ENOX1: variants seen among roughly 807,000 people sequenced by gnomAD.
ENOX1 encodes the protein ecto-NOX disulfide-thiol exchanger 1, also known as candidate growth-related and time keeping constitutive hydroquinone (NADH) oxidase.
ENOX1 carries 42 observed loss-of-function variants against 82.5 expected under a neutral mutation model. The observed-to-expected ratio is 0.51, with a 90% CI of 0.40 to 0.66. ENOX1 has a LOEUF of 0.66. Among genes scored for constraint, ENOX1 ranks in the 30% least tolerant of loss-of-function variants. The pLI, the probability that ENOX1 is intolerant of heterozygous loss-of-function variation, is 0.00. For missense variants in ENOX1, 608 were observed against 811.6 expected, an observed-to-expected ratio of 0.75 and a Z score of 3.05; for synonymous variants, 271 against 282.2, an observed-to-expected ratio of 0.96 and a Z score of 0.40.
chr13:43,476,685 G>A (rs892771124), intron 3 of ENOX1, among the ~76,000 whole-genome samples: 28 of 152,240 alleles, frequency 1.8e-4, no homozygotes, highest in Non-Finnish European at 3.2e-4. Flanking sequence ...AACGAGTAAA[G>A]CTACATTAGA....
chr13:43,688,891 A>G (rs1251463113), intron 1 of ENOX1, among the ~76,000 whole-genome samples: 1 of 152,198 alleles, frequency 6.6e-6, no homozygotes, highest in Non-Finnish European at 1.5e-5. Context: ...AGGAAAAAAG[A>G]TCTGGGCTCT....
intron 5 of ENOX1, among the ~76,000 whole-genome samples, chr13:43,404,582 C>T (rs1212703258): frequency 6.6e-6 from 1 of 152,186 alleles, no homozygotes; most frequent in Non-Finnish European, 1.5e-5. Context: ...CCTCCCAATT[C>T]CTCTTTGTAA....
At chr13:43,490,249 C>T (rs543058853) in intron 2 of ENOX1, among the ~76,000 whole-genome samples, 10 of 152,246 alleles carry the variant, frequency 6.6e-5, no homozygotes, top group Admixed American at 2.6e-4. Flanking sequence ...GTCCCATCAT[C>T]GTATTAATAT....
chr13:43,616,391 G>A (rs1411042827), intron 2 of ENOX1, among the ~76,000 whole-genome samples: 3 of 148,672 alleles, frequency 2.0e-5, no homozygotes, highest in African/African-American at 7.4e-5. Flanking sequence ...TAGTAGAGAT[G>A]GGGTTTCGCC....
intron 2 of ENOX1, among the ~76,000 whole-genome samples, chr13:43,533,730 T>A (rs760783208): frequency 4.4e-4 from 67 of 152,258 alleles, no homozygotes; most frequent in Non-Finnish European, 8.8e-4. Context: ...TTATATTACT[T>A]AACAAATTAA....
intron 2 of ENOX1, among the ~76,000 whole-genome samples, chr13:43,655,550 T>C (rs917310732): frequency 6.6e-6 from 1 of 152,186 alleles, no homozygotes; most frequent in African/African-American, 2.4e-5. Context: ...TCTGAGCTAT[T>C]TTATAACACA....
intron 1 of ENOX1, among the ~76,000 whole-genome samples, chr13:43,680,004 G>C (rs2085706358): frequency 6.6e-6 from 1 of 152,130 alleles, no homozygotes; most frequent in Non-Finnish European, 1.5e-5. Context: ...TATCTCAAAA[G>C]AAGTCAACTG....
intron 2 of ENOX1, among the ~76,000 whole-genome samples, chr13:43,549,157 T>C (rs2079087237): frequency 6.6e-6 from 1 of 152,252 alleles, no homozygotes; most frequent in Non-Finnish European, 1.5e-5. Context: ...TAAAAATTTA[T>C]GGAATTAGAC....
chr13:43,719,302 T>TACACATACACACACAC, intron 1 of ENOX1, among the ~76,000 whole-genome samples: 1 of 126,788 alleles, frequency 7.9e-6, no homozygotes, highest in East Asian at 2.3e-4. Context: ...TTCATTCAAA[T>TACACATACACACACAC]ACACACACAC....
intron 14 of ENOX1, among the ~76,000 whole-genome samples, chr13:43,243,980 C>T (rs775298465): frequency 6.6e-5 from 10 of 151,954 alleles, no homozygotes; most frequent in South Asian, 4.2e-4. Context: ...ACATTTCCTA[C>T]GCCACTTATA....
At chr13:43,685,180 T>C (rs1337898554) in intron 1 of ENOX1, among the ~76,000 whole-genome samples, 1 of 152,180 alleles carries the variant, frequency 6.6e-6, no homozygotes, top group African/African-American at 2.4e-5. Context: ...TTTCCTACAA[T>C]GGGTCTCTTC....
At chr13:43,574,463 G>A (rs904383269) in intron 2 of ENOX1, among the ~76,000 whole-genome samples, 1 of 152,054 alleles carries the variant, frequency 6.6e-6, no homozygotes, top group Non-Finnish European at 1.5e-5. Context: ...GACCTTCATT[G>A]TACAATACAT....
intron 1 of ENOX1, among the ~76,000 whole-genome samples, chr13:43,727,611 G>T (rs2089066669): frequency 6.6e-6 from 1 of 152,136 alleles, no homozygotes; most frequent in South Asian, 2.1e-4. Flanking sequence ...GGCCAGGCAG[G>T]ATGGAGAGGG....
chr13:43,509,389 T>C (rs2077285419), intron 2 of ENOX1, among the ~76,000 whole-genome samples: 1 of 152,002 alleles, frequency 6.6e-6, no homozygotes, highest in Admixed American at 6.6e-5. Flanking sequence ...TGATTTCCTA[T>C]GAGAAAGATT....
At chr13:43,369,427 C>T (rs2181496) in intron 5 of ENOX1, among the ~76,000 whole-genome samples, 127,232 of 152,218 alleles carry the variant, frequency 0.84, 53,293 homozygotes, top group South Asian at 0.94. Flanking sequence ...TAAGTTGTTA[C>T]GTTACGATTA....
intron 2 of ENOX1, among the ~76,000 whole-genome samples, chr13:43,623,799 G>A (rs532391223): frequency 6.6e-6 from 1 of 152,150 alleles, no homozygotes; most frequent in Non-Finnish European, 1.5e-5. Flanking sequence ...TATGATATGT[G>A]TATATCATAA....
At chr13:43,599,630 T>C (rs2081615958) in intron 2 of ENOX1, among the ~76,000 whole-genome samples, 1 of 151,966 alleles carries the variant, frequency 6.6e-6, no homozygotes, top group Non-Finnish European at 1.5e-5. Context: ...CAAGTTCTGG[T>C]GCTTTGTTGG....
chr13:43,653,630 A>T (rs2084296467), intron 2 of ENOX1, among the ~76,000 whole-genome samples: 1 of 152,210 alleles, frequency 6.6e-6, no homozygotes, highest in Non-Finnish European at 1.5e-5. Context: ...AAATTCTAAC[A>T]TTAAAATTCT....
intron 3 of ENOX1, among the ~76,000 whole-genome samples, chr13:43,433,793 G>C (rs1380409903): frequency 6.6e-6 from 1 of 152,184 alleles, no homozygotes; most frequent in African/African-American, 2.4e-5. Flanking sequence ...CTCAGACAGG[G>C]CTAAGTCAGG....
Sources: allele counts gnomAD v4.1 joint callset (sites outside exome capture counted in the v4.1 genomes callset), GRCh38; gene constraint gnomAD v4.1.1; transcripts MANE v1.5; gene names NCBI Gene and HGNC (gene_info 2026-07-23, HGNC 2026-07-21).